TNKS: variants seen among roughly 807,000 people sequenced by gnomAD.
The protein encoded by TNKS is poly [ADP-ribose] polymerase tankyrase-1.
In TNKS, 72 loss-of-function variants were observed where a neutral mutation model predicts 135.8. The observed-to-expected ratio is 0.53, with a 90% confidence interval of 0.44 to 0.64. The LOEUF (loss-of-function observed/expected upper bound fraction) is 0.64, where lower values mean the gene tolerates loss of function less well. Among genes scored for constraint, TNKS ranks in the 30% least tolerant of loss-of-function variants. The probability of loss-of-function intolerance (pLI) is 0.00; values close to 1 mark genes in which losing one functional copy is unlikely to be tolerated. For synonymous variants in TNKS, 849 were observed against 649.3 expected, an observed-to-expected ratio of 1.31 and a Z score of -4.68; for missense variants, 1,769 against 1,674.0, an observed-to-expected ratio of 1.06 and a Z score of -0.99.
intron 25 of TNKS, among the ~76,000 whole-genome samples, chr8:9,768,057 A>G (rs1421098239): frequency 6.6e-6 from 1 of 152,062 alleles, no homozygotes; most frequent in Non-Finnish European, 1.5e-5. Flanking sequence ...CTTCAAACCT[A>G]ATTCCTCTGG....
At chr8:9,663,611 C>T (rs4342598) in intron 3 of TNKS, among the ~76,000 whole-genome samples, 1,653 of 152,266 alleles carry the variant, frequency 0.011, 28 homozygotes, top group East Asian at 0.037. Context: ...AGAGGCTACT[C>T]GCTAGTAGTA....
chr8:9,761,408 A>G (rs1807141383), intron 20 of TNKS, 108 bp from the exon 21 acceptor site: 1 of 1,196,928 alleles, frequency 8.4e-7, no homozygotes, highest in Non-Finnish European at 1.2e-6. Flanking sequence ...GGAACAAAAG[A>G]ATTTTCTTAA....
intron 2 of TNKS, among the ~76,000 whole-genome samples, chr8:9,583,436 T>G (rs1376592975): frequency 1.3e-5 from 2 of 152,134 alleles, no homozygotes; most frequent in Non-Finnish European, 2.9e-5. Flanking sequence ...TCCCTACCCC[T>G]CAAATATAGT....
chr8:9,655,368 C>G (rs936678692), intron 3 of TNKS, among the ~76,000 whole-genome samples: 10 of 152,180 alleles, frequency 6.6e-5, no homozygotes, highest in Non-Finnish European at 1.5e-5. Context: ...CTTAAATGTC[C>G]CTGTCTGACA....
intron 3 of TNKS, among the ~76,000 whole-genome samples, chr8:9,675,602 T>A (rs1802499057): frequency 6.6e-6 from 1 of 152,226 alleles, no homozygotes; most frequent in Non-Finnish European, 1.5e-5. Context: ...TTTAAAGTAG[T>A]TTTGATGAAC....
At chr8:9,570,621 A>G (rs908631481) in intron 1 of TNKS, among the ~76,000 whole-genome samples, 6 of 152,202 alleles carry the variant, frequency 3.9e-5, no homozygotes, top group Admixed American at 6.5e-5. Context: ...AAAGGGCCTC[A>G]ATCCTCTATA....
At chr8:9,772,811 G>GTGTGTGTGTT (rs1807997885) in intron 26 of TNKS, among the ~76,000 whole-genome samples, 1 of 68,392 alleles carries the variant, frequency 1.5e-5, no homozygotes, top group East Asian at 3.8e-4. Context: ...GTGTGTGTTT[G>GTGTGTGTGTT]TGTGTGTGTG....
intron 11 of TNKS, among the ~76,000 whole-genome samples, chr8:9,711,539 A>G (rs1214988084): frequency 6.6e-6 from 1 of 152,196 alleles, no homozygotes; most frequent in Non-Finnish European, 1.5e-5. Context: ...TATAGTGTAA[A>G]AAGGTGGTCT....
intron 25 of TNKS, 49 bp from the exon 26 acceptor site, chr8:9,770,057 G>A: frequency 2.0e-6 from 3 of 1,524,614 alleles, no homozygotes; most frequent in Non-Finnish European, 2.7e-6. Context: ...TTATATTATT[G>A]TAAGATTTAA....
intron 25 of TNKS, among the ~76,000 whole-genome samples, chr8:9,767,505 G>A (rs980753637): frequency 6.6e-6 from 1 of 152,120 alleles, no homozygotes; most frequent in African/African-American, 2.4e-5. Flanking sequence ...GGATCTCTGA[G>A]GGAGAAAAGC....
chr8:9,621,464 G>T (rs1003684817), intron 3 of TNKS, among the ~76,000 whole-genome samples: 1 of 151,988 alleles, frequency 6.6e-6, no homozygotes, highest in Non-Finnish European at 1.5e-5. Context: ...GTGCCACCAC[G>T]CTCAGCTAAT....
intron 3 of TNKS, among the ~76,000 whole-genome samples, chr8:9,617,075 C>G (rs1799671505): frequency 2.0e-5 from 3 of 152,206 alleles, no homozygotes. Context: ...CCGCTTTGTC[C>G]ATTTGTTAGA....
At chr8:9,590,531 A>T (rs1798552079) in intron 2 of TNKS, among the ~76,000 whole-genome samples, 1 of 152,164 alleles carries the variant, frequency 6.6e-6, no homozygotes, top group South Asian at 2.1e-4. Flanking sequence ...TTGTGCCTTA[A>T]TATAAACACA....
chr8:9,661,265 T>G (rs919321771), intron 3 of TNKS, among the ~76,000 whole-genome samples: 5 of 152,114 alleles, frequency 3.3e-5, no homozygotes, highest in Non-Finnish European at 7.3e-5. Context: ...AAAAAGAGCC[T>G]GCATTGCCAA....
chr8:9,666,246 G>C (rs967277763), intron 3 of TNKS, among the ~76,000 whole-genome samples: 2 of 152,190 alleles, frequency 1.3e-5, no homozygotes, highest in Non-Finnish European at 2.9e-5. Flanking sequence ...ATATAGTAGG[G>C]TAAATAAAAC....
At chr8:9,684,426 A>ACT (rs1455330628) in intron 5 of TNKS, among the ~76,000 whole-genome samples, 1 of 151,516 alleles carries the variant, frequency 6.6e-6, no homozygotes, top group Non-Finnish European at 1.5e-5. Context: ...CCAACAGTCA[A>ACT]CTCTTTTGAG....
chr8:9,588,163 G>A (rs1170934601), intron 2 of TNKS, among the ~76,000 whole-genome samples: 1 of 152,176 alleles, frequency 6.6e-6, no homozygotes, highest in African/African-American at 2.4e-5. Flanking sequence ...GTCAAATTAG[G>A]TGTGGAGAGT....
chr8:9,712,777 C>A (rs1804404203), intron 11 of TNKS, among the ~76,000 whole-genome samples: 1 of 151,982 alleles, frequency 6.6e-6, no homozygotes. Context: ...GTAGTCCCAG[C>A]TACTCGGGAG....
At chr8:9,730,866 G>T in intron 13 of TNKS, 24 bp from the exon 14 acceptor site, 2 of 1,604,162 alleles carry the variant, frequency 1.2e-6, no homozygotes, top group Non-Finnish European at 8.5e-7. Flanking sequence ...TTTTGTGTTT[G>T]TCTTTGTGTG....
Sources: gnomAD v4.1 joint callset for allele counts (sites outside exome capture counted in the v4.1 genomes callset) on GRCh38, gnomAD v4.1.1 for gene constraint, MANE v1.5 for transcripts, NCBI Gene and HGNC (gene_info 2026-07-23, HGNC 2026-07-21) for gene names.